Variants in CDKN2B-AS1 observed in about 807,000 individuals in gnomAD.
CDKN2B-AS1 encodes the protein CDKN2B antisense RNA 1 (non-protein coding).
intron 1 of CDKN2B-AS1, chr9:22,009,320 C>G: frequency 2.4e-6 from 1 of 418,592 alleles, no homozygotes; most frequent in South Asian, 2.8e-5. Flanking sequence ...AGCCAGCCGG[C>G]AAAGAATTCC....
chr9:22,104,105 A>T lies in CDKN2B-AS1; in HGVS notation n.439-22998A>T, dbSNP rs78418858. On this transcript the variant is annotated intron_variant and non_coding_transcript_variant, in intron 4 of 4. Coordinates refer to ENST00000650946, the Ensembl canonical transcript of CDKN2B-AS1. ...AGCAGATATTACTAGGGAAATATAC[A>T]TGAGGCAGAAGGCAAATTATTTGCT... Among the ~76,000 whole-genome samples, 101 of 152,366 alleles carry T rather than the reference A, an allele frequency of 6.6e-4. 1 individual carries two copies. In the East Asian group the frequency reaches 0.013, roughly 19 times the overall value.
intron 4 of CDKN2B-AS1, among the ~76,000 whole-genome samples, chr9:22,078,364 C>G (rs1371268326): frequency 6.6e-6 from 1 of 151,896 alleles, no homozygotes; most frequent in East Asian, 1.9e-4. Flanking sequence ...GCTTATTTGA[C>G]TAGTTTTGTT....
At chr9:22,098,210 TTA>T (rs764748464) in intron 4 of CDKN2B-AS1, among the ~76,000 whole-genome samples, 10 of 151,626 alleles carry the variant, frequency 6.6e-5, no homozygotes, top group South Asian at 2.1e-4. Context: ...TGTATTTATA[TTA>T]TATATGTGTA....
At chr9:22,083,567 A>G (rs1346493594) in intron 4 of CDKN2B-AS1, among the ~76,000 whole-genome samples, 1 of 152,214 alleles carries the variant, frequency 6.6e-6, no homozygotes, top group Non-Finnish European at 1.5e-5. Context: ...CTGAATCAGA[A>G]TCTCTGGAAT....
intron 4 of CDKN2B-AS1, among the ~76,000 whole-genome samples, chr9:22,074,511 A>G (rs1824419438): frequency 6.6e-6 from 1 of 152,192 alleles, no homozygotes. Context: ...ATAAATATAT[A>G]TATCCAAGTA....
intron 1 of CDKN2B-AS1, among the ~76,000 whole-genome samples, chr9:22,019,924 C>T (rs763967688): frequency 3.3e-5 from 5 of 152,044 alleles, no homozygotes; most frequent in Non-Finnish European, 7.4e-5. Context: ...ATAGGTTAAA[C>T]TTCTGTCATG....
chr9:22,015,452 T>A, intron 1 of CDKN2B-AS1, among the ~76,000 whole-genome samples: 1 of 152,154 alleles, frequency 6.6e-6, no homozygotes, highest in Non-Finnish European at 1.5e-5. Context: ...TGTTTGGTCA[T>A]TCTGAATCCT....
At chr9:22,037,279 C>T (rs547969792) in intron 1 of CDKN2B-AS1, among the ~76,000 whole-genome samples, 2 of 152,140 alleles carry the variant, frequency 1.3e-5, no homozygotes, top group South Asian at 4.2e-4. Flanking sequence ...AAAGTACATA[C>T]TATTCAGTAT....
chr9:22,001,206 A>G lies in CDKN2B-AS1; in HGVS notation n.29+6045A>G, dbSNP rs1820905759. ...AGATTATGCATTTGGGGAGGAGGCC[A>G]AATATGAGAAATAAGACATGGTTTA... On this transcript the variant is annotated intron_variant and non_coding_transcript_variant, in intron 1 of 4. Coordinates refer to ENST00000650946, the Ensembl canonical transcript of CDKN2B-AS1. This position sits in a 1 kb window ranked among gnomAD's most constrained non-coding sequence, Gnocchi z 4.2. Among the ~76,000 whole-genome samples, 1 of 152,170 alleles carries G rather than the reference A, an allele frequency of 6.6e-6. No homozygotes were observed. The highest frequency in any genetic ancestry group is 1.9e-4 in the East Asian group (1 of 5,202).
intron 1 of CDKN2B-AS1, among the ~76,000 whole-genome samples, chr9:22,011,592 T>C (rs1821512110): frequency 6.6e-6 from 1 of 152,226 alleles, no homozygotes; most frequent in African/African-American, 2.4e-5. Context: ...GCAGCTGTCA[T>C]GGTAGGCTTA....
At chr9:22,015,301 AGAC>A (rs1821695885) in intron 1 of CDKN2B-AS1, among the ~76,000 whole-genome samples, 1 of 151,938 alleles carries the variant, frequency 6.6e-6, no homozygotes, top group South Asian at 2.1e-4. Flanking sequence ...TTCTATTTCT[AGAC>A]TCTTTATTAA....
chr9:22,127,358 G>A (rs1455928095), exon 5 of CDKN2B-AS1, among the ~76,000 whole-genome samples: 5 of 152,216 alleles, frequency 3.3e-5, no homozygotes, highest in Admixed American at 3.3e-4. Context: ...GGTATTACAG[G>A]CATGAGCCAC....
chr9:22,103,393 G>C (rs1008741446), intron 4 of CDKN2B-AS1, among the ~76,000 whole-genome samples: 1 of 152,058 alleles, frequency 6.6e-6, no homozygotes, highest in African/African-American at 2.4e-5. Flanking sequence ...AACCCAAAAA[G>C]CTTTGCTTAA....
chr9:22,049,568 C>T (rs1329191282), intron 3 of CDKN2B-AS1, among the ~76,000 whole-genome samples: 1 of 152,170 alleles, frequency 6.6e-6, no homozygotes, highest in African/African-American at 2.4e-5. Flanking sequence ...ACACACCAGC[C>T]AGGGCACATG....
chr9:22,003,892 A>C (rs1221106430), intron 1 of CDKN2B-AS1: 1 of 232,424 alleles, frequency 4.3e-6, no homozygotes, highest in Non-Finnish European at 8.5e-6. Flanking sequence ...TTTTTTAAAA[A>C]AAGTTATCTT....
intron 1 of CDKN2B-AS1, among the ~76,000 whole-genome samples, chr9:22,041,168 A>G (rs1312684728): frequency 1.3e-5 from 2 of 152,038 alleles, no homozygotes; most frequent in African/African-American, 4.8e-5. Context: ...AATGTGTTGG[A>G]AAGTGGTGTC....
intron 1 of CDKN2B-AS1, among the ~76,000 whole-genome samples, chr9:22,016,994 A>AT (rs1821793066): frequency 6.6e-6 from 1 of 152,234 alleles, no homozygotes; most frequent in South Asian, 2.1e-4. Flanking sequence ...ACATGGAACT[A>AT]TTAGTCTTTG....
Position 21,995,178 on chromosome 9 carries a change from C to G in CDKN2B-AS1, n.29+17C>G, listed in dbSNP as rs1820589318. 6.6e-6 allele frequency: 1 copy of G among 152,226 alleles called. No homozygotes were observed. The highest frequency in any genetic ancestry group is 2.4e-5 in the African/African-American group (1 of 41,470). 9.4% of individuals were successfully genotyped at this position (152,226 alleles called of 1,614,324 possible). A position where few individuals can be genotyped will look rare whatever the true frequency, so the allele number is the denominator to read the frequency against. On this transcript the variant is annotated intron_variant and non_coding_transcript_variant, in intron 1 of 4. Coordinates refer to ENST00000650946, the Ensembl canonical transcript of CDKN2B-AS1. The surrounding 1 kb of genome is among the most constrained non-coding windows in gnomAD (Gnocchi z 5.7). ...CCGGACTAGGTAGGTGGAGTCGCAC[C>G]CGGGGGTCCCAGCTGGGTCCGGGCG...
intron 1 of CDKN2B-AS1, among the ~76,000 whole-genome samples, chr9:22,017,186 G>T (rs1379320170): frequency 1.3e-5 from 2 of 152,160 alleles, no homozygotes; most frequent in African/African-American, 4.8e-5. Flanking sequence ...CAGCACTTTG[G>T]GAGGCCGAGG....
Sources: allele counts gnomAD v4.1 joint callset (sites outside exome capture counted in the v4.1 genomes callset), GRCh38; gene constraint gnomAD v4.1.1; non-coding constraint Gnocchi (gnomAD v3.1); transcripts MANE v1.5; gene names NCBI Gene and HGNC (gene_info 2026-07-23, HGNC 2026-07-21).